Variants in NOVA2 observed in about 807,000 individuals in gnomAD.
NOVA2 encodes RNA-binding protein Nova-2.
NOVA2 carries 9 observed loss-of-function variants against 22.5 expected under a neutral mutation model. The ratio of observed to expected loss-of-function variants is 0.40; its 90% CI spans 0.24 to 0.70. The LOEUF (loss-of-function observed/expected upper bound fraction) is 0.70, where lower values mean the gene tolerates loss of function less well. Ranked by LOEUF, NOVA2 falls within the 30% of genes least tolerant of loss-of-function variation. The probability of loss-of-function intolerance (pLI) is 0.38; values close to 1 mark genes in which losing one functional copy is unlikely to be tolerated. For synonymous variants in NOVA2, 318 were observed against 335.2 expected, an observed-to-expected ratio of 0.95 and a Z score of 0.56; for missense variants, 383 against 682.8, an observed-to-expected ratio of 0.56 and a Z score of 4.89.
At chr19:45,956,856 A>C (rs1212717292) in intron 2 of NOVA2, among the ~76,000 whole-genome samples, 6 of 152,200 alleles carry the variant, frequency 3.9e-5, no homozygotes, top group African/African-American at 1.4e-4. Context: ...GAGAGGGCTC[A>C]AGATGTGTTC....
chr19:45,971,623 C>T (rs1488875732), intron 1 of NOVA2, among the ~76,000 whole-genome samples: 1 of 152,042 alleles, frequency 6.6e-6, no homozygotes, highest in Non-Finnish European at 1.5e-5. Context: ...TTGTATTCAT[C>T]TGTAGGGAGG....
In NOVA2 at chr19:45,961,155, T is replaced by C; in HGVS notation, c.86-2A>G. ...CCTTCAGGAAGTATTCGCCTTCCTC[T>C]GCGGGGGCACACAGGGTGGAGGGGA... is the stretch of plus-strand genomic sequence containing the variant. On this transcript the variant is annotated splice_acceptor_variant, in intron 1 of 3. Coordinates refer to ENST00000263257, the MANE Select transcript of NOVA2 (RefSeq NM_002516.4). LOFTEE classifies it high-confidence loss of function. 6.3e-7 allele frequency: 1 copy of C among 1,593,588 alleles called. No homozygotes were observed. The highest frequency in any genetic ancestry group is 8.5e-7 in the Non-Finnish European group (1 of 1,170,950).
At chr19:45,964,632 C>T (rs894614346) in intron 1 of NOVA2, among the ~76,000 whole-genome samples, 4 of 149,594 alleles carry the variant, frequency 2.7e-5, no homozygotes, top group South Asian at 2.1e-4. Context: ...GCCATCACAG[C>T]TCACTGCTGC....
chr19:45,973,392 TGCGGCGGCGGCGGCGGCG>T lies in NOVA2; in HGVS notation c.-59_-42del. On this transcript the variant is annotated 5_prime_UTR_variant, in exon 1 of 4. Coordinates refer to ENST00000263257, the MANE Select transcript of NOVA2 (RefSeq NM_002516.4). The stretch of plus-strand genomic sequence containing the variant: ...CGGCGGCTGCTGCTGCTGCGGCGGC[TGCGGCGGCGGCGGCGGCG>T]GCTGCTGTGGCGGCGGCGACGGCTG... 1.8e-6 allele frequency: 1 copy of T among 562,122 alleles called. No homozygotes were observed. The highest frequency in any genetic ancestry group is 2.4e-6 in the Non-Finnish European group (1 of 415,252). The allele number at this position is 562,122 out of a possible 1,614,324, so 34.8% of individuals were successfully genotyped here.
chr19:45,959,460 G>A (rs1968061954), intron 2 of NOVA2, among the ~76,000 whole-genome samples: 1 of 152,200 alleles, frequency 6.6e-6, no homozygotes, highest in Non-Finnish European at 1.5e-5. Context: ...TGGGCTGGGA[G>A]GGGACGACAT....
At chr19:45,953,999 TC>T in intron 2 of NOVA2, 53 bp from the exon 3 acceptor site, 1 of 1,587,014 alleles carries the variant, frequency 6.3e-7, no homozygotes, top group Non-Finnish European at 8.6e-7. Context: ...ATGGGAACAT[TC>T]CTGAGAGACA....
At position 45,935,429 on chromosome 19, in the gene NOVA2, A is replaced by G. The variant is rs67204699; in HGVS notation, c.*4434T>C. 21,974 of 152,136 alleles carry G rather than the reference A, an allele frequency of 0.14. 1,690 individuals carry two copies. Among genetic ancestry groups the G allele is most frequent in the Middle Eastern group, 0.24 (71 of 294 alleles). The allele number at this position is 152,136 out of a possible 1,614,324, so 9.4% of individuals were successfully genotyped here. A position where few individuals can be genotyped will look rare whatever the true frequency, so the allele number is the denominator to read the frequency against. On this transcript the variant is annotated 3_prime_UTR_variant, in exon 4 of 4. Transcript: ENST00000263257. ...GATCGCGATAGCAGGGCTGGGTGTT[A>G]TCACCCCAGTAAACCAGTGTCCCTG...
At chr19:45,955,496 G>A (rs1184121549) in intron 2 of NOVA2, among the ~76,000 whole-genome samples, 1 of 152,132 alleles carries the variant, frequency 6.6e-6, no homozygotes, top group Non-Finnish European at 1.5e-5. Flanking sequence ...GAGCCGGGAT[G>A]TGTGTGATGC....
intron 3 of NOVA2, among the ~76,000 whole-genome samples, chr19:45,948,899 T>G (rs568510975): frequency 1.3e-5 from 2 of 152,182 alleles, no homozygotes; most frequent in Admixed American, 6.5e-5. Flanking sequence ...TATCAACTGA[T>G]GAACAGACAA....
chr19:45,949,324 A>C (rs1355805654), intron 3 of NOVA2, among the ~76,000 whole-genome samples: 1 of 54,326 alleles, frequency 1.8e-5, no homozygotes, highest in Non-Finnish European at 6.3e-5. Context: ...GTTATTTCAA[A>C]AAAAAAAAAA....
intron 1 of NOVA2, among the ~76,000 whole-genome samples, chr19:45,963,135 A>AAGGCGG (rs1171642370): frequency 2.6e-5 from 4 of 151,900 alleles, no homozygotes; most frequent in African/African-American, 7.2e-5. Context: ...AGCACTGTGG[A>AAGGCGG]AGGCGGAGGC....
intron 2 of NOVA2, among the ~76,000 whole-genome samples, chr19:45,960,761 C>T (rs1684870876): frequency 6.6e-6 from 1 of 152,264 alleles, no homozygotes; most frequent in East Asian, 1.9e-4. Context: ...ACACATCTGC[C>T]AGCGCATCAT....
Position 45,935,420 on chromosome 19 carries a change from C to G in NOVA2, c.*4443G>C, listed in dbSNP as rs1967641366. 1 of 152,232 alleles carries G rather than the reference C, an allele frequency of 6.6e-6. No individual in the cohort carries two copies. Among genetic ancestry groups the G allele is most frequent in the Admixed American group, 6.5e-5 (1 of 15,280 alleles). The allele number at this position is 152,232 out of a possible 1,614,324, so 9.4% of individuals were successfully genotyped here. ...GTGCAAACGGATCGCGATAGCAGGG[C>G]TGGGTGTTATCACCCCAGTAAACCA... On this transcript the variant is annotated 3_prime_UTR_variant, in exon 4 of 4. Transcript: ENST00000263257.
chr19:45,952,665 CTG>C (rs1967943072), intron 3 of NOVA2, among the ~76,000 whole-genome samples: 1 of 152,222 alleles, frequency 6.6e-6, no homozygotes, highest in Non-Finnish European at 1.5e-5. Context: ...TCCCTGTAAA[CTG>C]TGAATAACTT....
intron 1 of NOVA2, chr19:45,962,648 C>G (rs1316507303): frequency 6.6e-6 from 1 of 152,010 alleles, no homozygotes; most frequent in Non-Finnish European, 1.5e-5. Flanking sequence ...CTTTCTTTTT[C>G]TTTTTTTGTT....
At chr19:45,969,069 G>T (rs1167315420) in intron 1 of NOVA2, among the ~76,000 whole-genome samples, 1 of 152,186 alleles carries the variant, frequency 6.6e-6, no homozygotes, top group Non-Finnish European at 1.5e-5. Context: ...TGAGGTACGA[G>T]AATTGCTTGA....
At chr19:45,960,564 A>T (rs1968079588) in intron 2 of NOVA2, among the ~76,000 whole-genome samples, 1 of 151,784 alleles carries the variant, frequency 6.6e-6, no homozygotes, top group Admixed American at 6.6e-5. Flanking sequence ...AGACACATAA[A>T]GAATGACACC....
In NOVA2 at chr19:45,935,173, C is replaced by T. The variant is rs68102548; in HGVS notation, c.*4690G>A. On this transcript the variant is annotated 3_prime_UTR_variant, in exon 4 of 4. Coordinates refer to ENST00000263257, the MANE Select transcript of NOVA2 (RefSeq NM_002516.4). ...GGAGGGGGGGTTAGGCAGTCCCCCC[C>T]CAGTTATCTCTGGGAGACAAGTGTC... The T allele has an allele frequency of 0.13, 20,249 of 150,170 alleles. 1,537 individuals are homozygous for T. The highest frequency in any genetic ancestry group is 0.24 in the Middle Eastern group (70 of 294). The allele number at this position is 150,170 out of a possible 1,614,324, so 9.3% of individuals were successfully genotyped here.
intron 1 of NOVA2, among the ~76,000 whole-genome samples, chr19:45,966,255 G>A (rs948596273): frequency 2.0e-5 from 3 of 152,012 alleles, no homozygotes; most frequent in African/African-American, 7.3e-5. Context: ...CTTCTGTACT[G>A]GAATTGTTCT....
Sources: gnomAD v4.1 joint callset for allele counts (sites outside exome capture counted in the v4.1 genomes callset) on GRCh38, gnomAD v4.1.1 for gene constraint, MANE v1.5 for transcripts, NCBI Gene and HGNC (gene_info 2026-07-23, HGNC 2026-07-21) for gene names.